The following DHX32 variants were observed in gnomAD, a reference collection of about 807,000 sequenced individuals.
The protein encoded by DHX32 is DEAH-box helicase 32 (putative).
Under a neutral mutation model 70.0 loss-of-function variants are expected in DHX32, and 51 were observed. The observed-to-expected ratio is 0.73, with a 90% CI of 0.58 to 0.92. The LOEUF is 0.92. Ranked by LOEUF, DHX32 falls within the 40% of genes least tolerant of loss-of-function variation. The pLI, the probability that DHX32 is intolerant of heterozygous loss-of-function variation, is 0.00. For synonymous variants in DHX32, 310 were observed against 315.3 expected (o/e 0.98, Z 0.18); for missense variants, 762 against 891.8 (o/e 0.85, Z 1.85).
chr10:125,854,175 TAGAC>T lies in DHX32; in HGVS notation c.874_877del (p.Val292IlefsTer6). The T allele has an allele frequency of 1.2e-6, 2 of 1,611,866 alleles. No individual in the cohort carries two copies. The highest frequency in any genetic ancestry group is 1.7e-6 in the Non-Finnish European group (2 of 1,179,504). On this transcript the variant is annotated frameshift_variant, in exon 4 of 11. Coordinates refer to ENST00000284690, the MANE Select transcript of DHX32 (RefSeq NM_018180.3). LOFTEE classifies it high-confidence loss of function. Reference sequence around the variant, plus strand: ...ATCTGGGTTTAGGTTAGATCCTTGATAGACAGTTTCACAGACTTTCTCAATATCC... The same window carrying T: ...ATCTGGGTTTAGGTTAGATCCTTGATAGTTTCACAGACTTTCTCAATATCC...
intron 1 of DHX32, among the ~76,000 whole-genome samples, chr10:125,887,173 T>C (rs1036329786): frequency 2.0e-5 from 3 of 152,170 alleles, no homozygotes; most frequent in African/African-American, 7.2e-5. Context: ...GTCTTCAAGT[T>C]TTCTCATCCT....
chr10:125,892,197 C>A (rs1206561537), intron 1 of DHX32, among the ~76,000 whole-genome samples: 1 of 152,034 alleles, frequency 6.6e-6, no homozygotes, highest in African/African-American at 2.4e-5. Context: ...TTCCTCATCT[C>A]CTATATCACC....
intron 6 of DHX32, among the ~76,000 whole-genome samples, chr10:125,850,134 T>TAA (rs371549545): frequency 1.1e-4 from 15 of 133,536 alleles, no homozygotes; most frequent in African/African-American, 3.9e-4. Flanking sequence ...CCTGGCTCAT[T>TAA]AAAAAAAAAA....
In DHX32 at chr10:125,836,494, G is replaced by A. The variant is rs1463337168; in HGVS notation, c.*193C>T. On this transcript the variant is annotated 3_prime_UTR_variant, in exon 11 of 11. Coordinates refer to ENST00000284690, the MANE Select transcript of DHX32 (RefSeq NM_018180.3). ...AAAAACTTTTCCAAGAAGAAGAAAAGCATGGAGTAGTAATTTAAAGAACTC... is the reference window on the plus strand; with the variant it reads ...AAAAACTTTTCCAAGAAGAAGAAAAACATGGAGTAGTAATTTAAAGAACTC... 2.2e-6 allele frequency: 3 copies of A among 1,374,910 alleles called. No homozygotes were observed. Among genetic ancestry groups the A allele is most frequent in the Admixed American group, 3.2e-5 (1 of 31,310 alleles). The allele number at this position is 1,374,910 out of a possible 1,614,324, so 85.2% of individuals were successfully genotyped here. A position where few individuals can be genotyped will look rare whatever the true frequency, so the allele number is the denominator to read the frequency against.
chr10:125,890,312 C>T (rs1258445146), intron 1 of DHX32, among the ~76,000 whole-genome samples: 1 of 152,404 alleles, frequency 6.6e-6, no homozygotes, highest in East Asian at 1.9e-4. Context: ...TGGACCTAAT[C>T]ATTACTAGGA....
intron 2 of DHX32, among the ~76,000 whole-genome samples, chr10:125,865,107 C>T (rs1944212887): frequency 6.6e-6 from 1 of 151,966 alleles, no homozygotes; most frequent in African/African-American, 2.4e-5. Context: ...AACTTCAGAA[C>T]CTAGTCAGAG....
At chr10:125,870,354 A>G (rs1247794064) in intron 1 of DHX32, among the ~76,000 whole-genome samples, 1 of 152,188 alleles carries the variant, frequency 6.6e-6, no homozygotes, top group East Asian at 1.9e-4. Flanking sequence ...TTGATGCATG[A>G]GGAAAGAAAC....
At chr10:125,855,790 TCTC>T (rs1944142480) in intron 3 of DHX32, among the ~76,000 whole-genome samples, 1 of 152,216 alleles carries the variant, frequency 6.6e-6, no homozygotes, top group Non-Finnish European at 1.5e-5. Context: ...TTACTTTTAT[TCTC>T]CTAGAAGATG....
intron 1 of DHX32, among the ~76,000 whole-genome samples, chr10:125,873,229 T>C (rs1377717650): frequency 6.6e-6 from 1 of 152,212 alleles, no homozygotes; most frequent in Non-Finnish European, 1.5e-5. Flanking sequence ...GTCCTTTCCA[T>C]CTACTGCCAG....
intron 1 of DHX32, among the ~76,000 whole-genome samples, chr10:125,871,336 T>C (rs1944254295): frequency 1.3e-5 from 2 of 152,202 alleles, no homozygotes; most frequent in South Asian, 2.1e-4. Flanking sequence ...CATCTAAATA[T>C]CAGTTACAAT....
chr10:125,836,977 AACTCAGATAGT>A, intron 10 of DHX32, 122 bp from the exon 11 acceptor site: 2 of 792,152 alleles, frequency 2.5e-6, no homozygotes, highest in African/African-American at 1.7e-5. Context: ...ATTTAATTTG[AACTCAGATAGT>A]ATCTCAGTCC....
chr10:125,839,059 C>G lies in DHX32; in HGVS notation c.1823G>C (p.Gly608Ala), dbSNP rs771173173. 6.2e-7 allele frequency: 1 copy of G among 1,614,142 alleles called. No individual in the cohort carries two copies. Among genetic ancestry groups the G allele is most frequent in the South Asian group, 1.1e-5 (1 of 91,078 alleles). ...IELPYAEPAF[G>A]SKENTLNIKK... The stretch of plus-strand genomic sequence containing the variant: ...TATGTTTAGAGTGTTTTCCTTGGAG[C>G]CAAAAGCAGGTTCTGCATAGGGAAG... Residue 608 changes from glycine (G) to alanine (A), a missense_variant, in exon 9 of 11, where the codon GGC (glycine) becomes GCC (alanine). Gly to Ala is a moderately conservative substitution (Grantham distance 60). Transcript: ENST00000284690.
chr10:125,853,922 A>G, intron 4 of DHX32, 39 bp downstream of exon 4: 1 of 1,588,866 alleles, frequency 6.3e-7, no homozygotes, highest in Non-Finnish European at 8.6e-7. Context: ...GTGCTTGACA[A>G]CGATCAGCAG....
intron 8 of DHX32, 95 bp downstream of exon 8, chr10:125,840,752 T>C: frequency 2.9e-6 from 4 of 1,384,882 alleles, no homozygotes; most frequent in Non-Finnish European, 3.9e-6. Flanking sequence ...CCAGTAGGGC[T>C]GGCGAAGAAT....
At chr10:125,849,781 T>C (rs1008501756) in intron 6 of DHX32, among the ~76,000 whole-genome samples, 1 of 152,226 alleles carries the variant, frequency 6.6e-6, no homozygotes, top group Non-Finnish European at 1.5e-5. Context: ...AAAGATCATT[T>C]TGTAAATTCC....
At chr10:125,857,534 T>TA (rs1944156238) in intron 3 of DHX32, among the ~76,000 whole-genome samples, 1 of 152,216 alleles carries the variant, frequency 6.6e-6, no homozygotes, top group Non-Finnish European at 1.5e-5. Flanking sequence ...GCAAGACTGA[T>TA]GGTTTCTTAA....
Position 125,867,769 on chromosome 10 carries a change from G to GA in DHX32, c.283-587dup, listed in dbSNP as rs60581666. ...AAAAAAAAAAATCAAGGACAAAAAT[G>GA]AAAAAAAAAATACTTTCAACCTCAA... On this transcript the variant is annotated intron_variant, in intron 1 of 10. Coordinates refer to ENST00000284690, the MANE Select transcript of DHX32 (RefSeq NM_018180.3). Among the ~76,000 whole-genome samples, 345 of 144,962 alleles carry GA rather than the reference G, an allele frequency of 2.4e-3. 1 individual carries two copies. Among genetic ancestry groups the GA allele is most frequent in the Admixed American group, 4.3e-3 (61 of 14,334 alleles).
At chr10:125,871,533 T>C (rs533275597) in intron 1 of DHX32, among the ~76,000 whole-genome samples, 1 of 152,138 alleles carries the variant, frequency 6.6e-6, no homozygotes, top group Non-Finnish European at 1.5e-5. Context: ...CAGTAAGCAA[T>C]GCAAACACAA....
At chr10:125,852,240 G>T in intron 6 of DHX32, 53 bp downstream of exon 6, 1 of 1,595,282 alleles carries the variant, frequency 6.3e-7, no homozygotes. Context: ...AGAATGGGCA[G>T]GAGAAGGTGA....
Sources: gnomAD v4.1 joint callset for allele counts (sites outside exome capture counted in the v4.1 genomes callset) on GRCh38, gnomAD v4.1.1 for gene constraint, MANE v1.5 for transcripts, NCBI Gene and HGNC (gene_info 2026-07-23, HGNC 2026-07-21) for gene names.